Variants in GABRB1 observed in about 807,000 individuals in gnomAD.
The protein encoded by GABRB1 is gamma-aminobutyric acid type A receptor subunit beta1, also known as gamma-aminobutyric acid receptor subunit beta-1.
In GABRB1, 17 loss-of-function variants were observed where a neutral mutation model predicts 51.6. The observed-to-expected ratio is 0.33, with a 90% CI of 0.23 to 0.49. GABRB1 has a LOEUF of 0.49. Among genes scored for constraint, GABRB1 ranks in the 20% least tolerant of loss-of-function variants. The pLI is 0.99. For synonymous variants in GABRB1, 247 were observed against 218.9 expected (o/e 1.13, Z -1.14); for missense variants, 410 against 600.6 (o/e 0.68, Z 3.32).
chr4:47,129,857 T>C (rs1716330404), intron 3 of GABRB1, among the ~76,000 whole-genome samples: 2 of 152,152 alleles, frequency 1.3e-5, no homozygotes, highest in South Asian at 4.1e-4. Flanking sequence ...ATGGAAAGTA[T>C]GTCAGTAGAG....
At chr4:47,008,376 A>G (rs1375336570) in intron 1 of GABRB1, among the ~76,000 whole-genome samples, 1 of 152,180 alleles carries the variant, frequency 6.6e-6, no homozygotes, top group African/African-American at 2.4e-5. Flanking sequence ...AATAGAAGAG[A>G]GTAGAAAGTT....
rs1578107674 is a variant in GABRB1, at chr4:47,342,382, A to G, written c.544+22173A>G. Among the ~76,000 whole-genome samples, 3 of 138,914 alleles carry G rather than the reference A, an allele frequency of 2.2e-5. No homozygotes were observed. In the South Asian group the frequency reaches 7.4e-4, roughly 34 times the overall value. 91.1% of individuals were successfully genotyped at this position (138,914 alleles called of 152,430 possible). On this transcript the variant is annotated intron_variant, in intron 5 of 8. Coordinates refer to ENST00000295454, the MANE Select transcript of GABRB1 (RefSeq NM_000812.4). ...ATACTTGTCTTATTCTACAAAAGAC[A>G]TGAGGCACCCCACAAAAAAATACTT... is the stretch of plus-strand genomic sequence containing the variant.
intron 4 of GABRB1, among the ~76,000 whole-genome samples, chr4:47,173,862 GT>G (rs1316493616): frequency 6.6e-6 from 1 of 152,150 alleles, no homozygotes; most frequent in Non-Finnish European, 1.5e-5. Flanking sequence ...ACCACATCAA[GT>G]TGAAATTCCT....
chr4:47,395,079 C>T (rs1263359939), intron 5 of GABRB1, among the ~76,000 whole-genome samples: 1 of 152,010 alleles, frequency 6.6e-6, no homozygotes, highest in African/African-American at 2.4e-5. Flanking sequence ...TTCAGTGCAC[C>T]CAGGCTACCT....
At chr4:47,045,641 C>G (rs925137662) in intron 3 of GABRB1, among the ~76,000 whole-genome samples, 6 of 151,916 alleles carry the variant, frequency 3.9e-5, no homozygotes, top group African/African-American at 1.4e-4. Context: ...TCAAAGACAG[C>G]CTTCACATGG....
chr4:47,214,671 TA>T (rs888288350), intron 4 of GABRB1, among the ~76,000 whole-genome samples: 1 of 152,224 alleles, frequency 6.6e-6, no homozygotes, highest in Non-Finnish European at 1.5e-5. Context: ...CTCATCTTTT[TA>T]TTATCAATCG....
At chr4:47,354,994 T>G (rs1487905340) in intron 5 of GABRB1, among the ~76,000 whole-genome samples, 21 of 137,886 alleles carry the variant, frequency 1.5e-4, no homozygotes, top group African/African-American at 5.0e-4. Flanking sequence ...TTTTTTTTTT[T>G]TTTTTTTTTT....
At chr4:46,999,597 G>C (rs796829349) in intron 1 of GABRB1, among the ~76,000 whole-genome samples, 39 of 152,222 alleles carry the variant, frequency 2.6e-4, no homozygotes, top group African/African-American at 9.4e-4. Context: ...AGGAGTAAAT[G>C]TATACAAAAG....
chr4:47,296,869 C>G (rs140966130), intron 4 of GABRB1, among the ~76,000 whole-genome samples: 4,439 of 152,270 alleles, frequency 0.029, 84 homozygotes, highest in African/African-American at 0.052. Flanking sequence ...GTAAAGCTCT[C>G]CTCAGCAAAC....
chr4:47,266,890 C>T (rs1175961136), intron 4 of GABRB1, among the ~76,000 whole-genome samples: 1 of 151,802 alleles, frequency 6.6e-6, no homozygotes, highest in Non-Finnish European at 1.5e-5. Context: ...TGAAGTCCCC[C>T]ACTCTTACTG....
At chr4:47,182,221 G>C (rs896913184) in intron 4 of GABRB1, among the ~76,000 whole-genome samples, 65 of 151,988 alleles carry the variant, frequency 4.3e-4, no homozygotes, top group African/African-American at 1.5e-3. Context: ...AAAAGCATGA[G>C]AGAAATTTCT....
chr4:47,112,263 A>T (rs1715252746), intron 3 of GABRB1, among the ~76,000 whole-genome samples: 1 of 152,110 alleles, frequency 6.6e-6, no homozygotes, highest in South Asian at 2.1e-4. Context: ...ATTGGGCCAA[A>T]TCTGATAGTG....
intron 4 of GABRB1, among the ~76,000 whole-genome samples, chr4:47,225,272 C>T (rs919526088): frequency 6.6e-6 from 1 of 151,960 alleles, no homozygotes; most frequent in African/African-American, 2.4e-5. Context: ...GAGTCCATGC[C>T]GCGGAATTAT....
chr4:47,261,763 G>A (rs1342961905), intron 4 of GABRB1, among the ~76,000 whole-genome samples: 1 of 152,106 alleles, frequency 6.6e-6, no homozygotes, highest in African/African-American at 2.4e-5. Flanking sequence ...GAACAAAGCT[G>A]GAGGCATCAC....
rs71195611 is a variant in GABRB1 at position 47,172,631 on chromosome 4, C to CT, written c.461+11190dup. 8.5e-3 allele frequency among the ~76,000 whole-genome samples: 562 copies of CT among 65,822 alleles called. 31 individuals carry two copies. The highest frequency in any genetic ancestry group is 0.011 in the East Asian group (21 of 1,838). 43.2% of individuals were successfully genotyped at this position (65,822 alleles called of 152,430 possible). A position where few individuals can be genotyped will look rare whatever the true frequency, so the allele number is the denominator to read the frequency against. On this transcript the variant is annotated intron_variant, in intron 4 of 8. Transcript: ENST00000295454. ...TCTTCTAGGACAAGTTTAGATTTAA[C>CT]TTTTTTTTTTTTTTTTTTTTTTTTT...
chr4:47,075,441 C>T (rs1366391644), intron 3 of GABRB1, among the ~76,000 whole-genome samples: 1 of 152,124 alleles, frequency 6.6e-6, no homozygotes, highest in Non-Finnish European at 1.5e-5. Context: ...GCAATCTATG[C>T]TGGGTCTTTC....
intron 4 of GABRB1, among the ~76,000 whole-genome samples, chr4:47,305,550 A>T (rs1019780755): frequency 3.1e-4 from 47 of 152,146 alleles, no homozygotes; most frequent in African/African-American, 1.1e-3. Flanking sequence ...GTTCATTATG[A>T]GATCATTTCC....
intron 5 of GABRB1, among the ~76,000 whole-genome samples, chr4:47,364,017 T>C (rs1186334410): frequency 1.3e-5 from 2 of 152,192 alleles, no homozygotes; most frequent in East Asian, 1.9e-4. Flanking sequence ...AAGAAACTAA[T>C]CTACTTCTCA....
intron 5 of GABRB1, among the ~76,000 whole-genome samples, chr4:47,349,259 G>C (rs1169174280): frequency 6.6e-6 from 1 of 152,128 alleles, no homozygotes; most frequent in Non-Finnish European, 1.5e-5. Flanking sequence ...GGGTAAGGAA[G>C]ATGGCTTGGG....
Sources: gnomAD v4.1 joint callset for allele counts (sites outside exome capture counted in the v4.1 genomes callset) on GRCh38, gnomAD v4.1.1 for gene constraint, MANE v1.5 for transcripts, NCBI Gene and HGNC (gene_info 2026-07-23, HGNC 2026-07-21) for gene names.